The following RALYL variants were observed in gnomAD, a reference collection of about 807,000 sequenced individuals.
RALYL encodes RNA-binding Raly-like protein.
RALYL carries 29 observed loss-of-function variants against 35.1 expected under a neutral mutation model. The observed-to-expected ratio is 0.83, with a 90% CI of 0.61 to 1.13. The LOEUF is 1.13. Among genes scored for constraint, RALYL ranks in the 50% most tolerant of loss-of-function variants. The pLI is 0.00. For missense variants in RALYL, 359 were observed against 360.4 expected (o/e 1.00, Z 0.03); for synonymous variants, 120 against 127.6 (o/e 0.94, Z 0.40).
rs144418914 is a variant in RALYL at position 84,426,938 on chromosome 8, T to C, written c.-23-102361T>C. Among the ~76,000 whole-genome samples, 566 of 152,214 alleles carry C rather than the reference T, an allele frequency of 3.7e-3. 4 individuals carry two copies. Among genetic ancestry groups the C allele is most frequent in the Non-Finnish European group, 4.7e-3 (319 of 68,008 alleles). ...TAAAAATGGAACTACCATATGATCTTATGGGCACATACCCAAAGGAAATGA... is the reference window on the plus strand; with the variant it reads ...TAAAAATGGAACTACCATATGATCTCATGGGCACATACCCAAAGGAAATGA... On this transcript the variant is annotated intron_variant, in intron 1 of 8. Transcript: ENST00000521268.
chr8:84,832,744 C>T (rs928787266), intron 4 of RALYL, among the ~76,000 whole-genome samples: 1 of 152,084 alleles, frequency 6.6e-6, no homozygotes, highest in African/African-American at 2.4e-5. Flanking sequence ...TGCTATAATG[C>T]ATTAATCCTC....
At chr8:84,649,635 T>C (rs1828274146) in intron 2 of RALYL, among the ~76,000 whole-genome samples, 1 of 152,096 alleles carries the variant, frequency 6.6e-6, no homozygotes. Context: ...GTTCCATTGA[T>C]CTATATCTCT....
At chr8:84,397,716 A>G (rs2042485350) in intron 1 of RALYL, among the ~76,000 whole-genome samples, 1 of 152,214 alleles carries the variant, frequency 6.6e-6, no homozygotes, top group Admixed American at 6.5e-5. Flanking sequence ...TGTTTCTTCA[A>G]CTGTCACACA....
chr8:84,562,878 T>C (rs1334121357), intron 2 of RALYL, among the ~76,000 whole-genome samples: 2 of 151,934 alleles, frequency 1.3e-5, no homozygotes, highest in African/African-American at 4.8e-5. Context: ...CAGAGAGACC[T>C]TGGGCACGAG....
At chr8:84,741,380 A>T (rs1320221808) in intron 2 of RALYL, among the ~76,000 whole-genome samples, 1 of 151,920 alleles carries the variant, frequency 6.6e-6, no homozygotes, top group Non-Finnish European at 1.5e-5. Flanking sequence ...AATACCTCAG[A>T]CTGGTTACTT....
chr8:84,441,664 G>A (rs1207179406), intron 1 of RALYL, among the ~76,000 whole-genome samples: 1 of 152,116 alleles, frequency 6.6e-6, no homozygotes, highest in African/African-American at 2.4e-5. Flanking sequence ...AAGAGGAAAA[G>A]AGCAGTGCAC....
At chr8:84,784,079 A>G (rs924487613) in intron 3 of RALYL, among the ~76,000 whole-genome samples, 1 of 152,190 alleles carries the variant, frequency 6.6e-6, no homozygotes, top group Non-Finnish European at 1.5e-5. Context: ...CTGAAGATTG[A>G]TGGAAAGTTC....
Position 84,619,193 on chromosome 8 carries a change from G to T in RALYL, c.256+89616G>T, listed in dbSNP as rs534959451. ...TGATCTGTCTAATGTTGACAGTGGGGTGTTAAAGTCTCCCATTATTAATGT... is the reference window on the plus strand; with the variant it reads ...TGATCTGTCTAATGTTGACAGTGGGTTGTTAAAGTCTCCCATTATTAATGT... On this transcript the variant is annotated intron_variant, in intron 2 of 8. Transcript: ENST00000521268. Among the ~76,000 whole-genome samples, 67 of 151,800 alleles carry T rather than the reference G, an allele frequency of 4.4e-4. 1 individual carries two copies. The East Asian group carries it at 0.012, about 26-fold the overall frequency.
At chr8:84,660,537 T>C (rs1387876887) in intron 2 of RALYL, among the ~76,000 whole-genome samples, 1 of 152,030 alleles carries the variant, frequency 6.6e-6, no homozygotes, top group Non-Finnish European at 1.5e-5. Flanking sequence ...TTACAGTGAA[T>C]CATTTCATAG....
chr8:84,862,396 G>C lies in RALYL; in HGVS notation c.514G>C (p.Val172Leu). The change falls in exon 6 of 9, where the codon GTC becomes CTC. Residue 172 changes from valine to leucine, a missense_variant. Val to Leu is a conservative substitution (Grantham distance 32). Transcript: ENST00000521268. ...CACAACGACTCGCAGGGGGAAAGGAGTCTTTTCCATGAAAGGTGGATCGAG... is the reference window on the plus strand; with the variant it reads ...CACAACGACTCGCAGGGGGAAAGGACTCTTTTCCATGAAAGGTGGATCGAG... ...AVTTTRRGKG[V>L]FSMKGGSRST... The C allele has an allele frequency of 6.2e-7, 1 of 1,606,428 alleles. No homozygotes were observed. The highest frequency in any genetic ancestry group is 8.5e-7 in the Non-Finnish European group (1 of 1,176,808).
chr8:84,216,895 C>A (rs1475395415), intron 1 of RALYL, among the ~76,000 whole-genome samples: 1 of 152,152 alleles, frequency 6.6e-6, no homozygotes, highest in Non-Finnish European at 1.5e-5. Flanking sequence ...TCCCTATTTG[C>A]TCATCCATAT....
intron 2 of RALYL, among the ~76,000 whole-genome samples, chr8:84,530,435 C>G (rs1285260112): frequency 1.3e-5 from 2 of 151,774 alleles, no homozygotes; most frequent in African/African-American, 2.4e-5. Flanking sequence ...TCAACCTTCT[C>G]CACTCCCAAA....
intron 3 of RALYL, among the ~76,000 whole-genome samples, chr8:84,803,259 C>T (rs1427050): frequency 0.74 from 112,508 of 152,166 alleles, 41,862 homozygotes; most frequent in East Asian, 0.89. Flanking sequence ...TAAAGTAGTA[C>T]CATTATCGTG....
chr8:84,202,373 T>A (rs1273268841), intron 1 of RALYL, among the ~76,000 whole-genome samples: 1 of 146,634 alleles, frequency 6.8e-6, no homozygotes, highest in African/African-American at 2.5e-5. Context: ...AGGGATTTTT[T>A]TTTTTTTTTT....
intron 1 of RALYL, among the ~76,000 whole-genome samples, chr8:84,465,170 C>A (rs1276337102): frequency 7.3e-6 from 1 of 136,794 alleles, no homozygotes; most frequent in Non-Finnish European, 1.6e-5. Context: ...TCCATTTTGT[C>A]TTTTGTTGCC....
intron 2 of RALYL, among the ~76,000 whole-genome samples, chr8:84,562,235 A>T (rs1320738444): frequency 1.3e-5 from 2 of 151,862 alleles, no homozygotes; most frequent in Non-Finnish European, 2.9e-5. Flanking sequence ...ATTTATTTTA[A>T]TTGCATGTGA....
intron 8 of RALYL, among the ~76,000 whole-genome samples, chr8:84,893,539 A>C (rs2135484376): frequency 6.6e-6 from 1 of 152,336 alleles, no homozygotes; most frequent in South Asian, 2.1e-4. Context: ...CAGGTGTATG[A>C]GAAAAGGCTT....
chr8:84,601,228 T>C (rs2130743195), intron 2 of RALYL, among the ~76,000 whole-genome samples: 1 of 152,258 alleles, frequency 6.6e-6, no homozygotes, highest in Admixed American at 6.5e-5. Flanking sequence ...TATAACAAGT[T>C]ATGTCCATTT....
At chr8:84,577,366 T>C (rs1809712777) in intron 2 of RALYL, among the ~76,000 whole-genome samples, 1 of 152,034 alleles carries the variant, frequency 6.6e-6, no homozygotes, top group South Asian at 2.1e-4. Context: ...TAGAGTGAAG[T>C]CTGGAATTAA....
Sources: allele counts gnomAD v4.1 joint callset (sites outside exome capture counted in the v4.1 genomes callset), GRCh38; gene constraint gnomAD v4.1.1; transcripts MANE v1.5; gene names NCBI Gene and HGNC (gene_info 2026-07-23, HGNC 2026-07-21).